Variants in LGR6 observed in about 807,000 individuals in gnomAD.
LGR6 encodes leucine-rich repeat-containing G protein-coupled receptor 6.
Under a neutral mutation model 69.4 loss-of-function variants are expected in LGR6, and 45 were observed. That is an observed-to-expected ratio of 0.65 (90% CI 0.51 to 0.83). The LOEUF (loss-of-function observed/expected upper bound fraction) is 0.83. LGR6 is among the 40% of genes least tolerant of loss of function. LGR6 has a pLI of 0.00. For missense variants in LGR6, 1,108 were observed against 1,246.7 expected, an observed-to-expected ratio of 0.89 and a Z score of 1.68; for synonymous variants, 538 against 555.0, an observed-to-expected ratio of 0.97 and a Z score of 0.43.
intron 7 of LGR6, among the ~76,000 whole-genome samples, chr1:202,300,593 T>C (rs1429913768): frequency 6.7e-6 from 1 of 150,004 alleles, no homozygotes; most frequent in African/African-American, 2.5e-5. Flanking sequence ...AAGTCGAGGC[T>C]GCACTGCGGT....
At chr1:202,317,569 C>G (rs1431246891) in intron 17 of LGR6, among the ~76,000 whole-genome samples, 1 of 152,172 alleles carries the variant, frequency 6.6e-6, no homozygotes, top group Non-Finnish European at 1.5e-5. Flanking sequence ...TGGTCTCAAA[C>G]TCCTGACCTC....
At chr1:202,303,410 A>G in intron 10 of LGR6, 63 bp downstream of exon 10, 1 of 1,294,138 alleles carries the variant, frequency 7.7e-7, no homozygotes, top group Non-Finnish European at 1.1e-6. Flanking sequence ...GAGCTCTTCC[A>G]CTCCCTGCCC....
At chr1:202,196,065 A>G (rs190930063) in intron 1 of LGR6, among the ~76,000 whole-genome samples, 3 of 152,198 alleles carry the variant, frequency 2.0e-5, no homozygotes, top group African/African-American at 7.2e-5. Context: ...CTCTCTCTCA[A>G]GACTCAGGGG....
intron 1 of LGR6, among the ~76,000 whole-genome samples, chr1:202,216,160 G>C (rs916104263): frequency 6.6e-6 from 1 of 152,230 alleles, no homozygotes; most frequent in Non-Finnish European, 1.5e-5. Flanking sequence ...TAAATGAATG[G>C]TTGAAAGTTG....
chr1:202,236,195 A>G (rs896549), intron 4 of LGR6: 323,975 of 583,604 alleles, frequency 0.56, 91,193 homozygotes, highest in East Asian at 0.71. Flanking sequence ...ACTCCTATGC[A>G]TATTTCAGGA....
At chr1:202,196,053 C>T (rs1470047345) in intron 1 of LGR6, among the ~76,000 whole-genome samples, 4 of 152,042 alleles carry the variant, frequency 2.6e-5, no homozygotes, top group Non-Finnish European at 4.4e-5. Context: ...TTGAGAAAGC[C>T]CCTCTCTCTC....
intron 6 of LGR6, among the ~76,000 whole-genome samples, chr1:202,283,088 G>T (rs1322457303): frequency 6.6e-6 from 1 of 152,176 alleles, no homozygotes; most frequent in Non-Finnish European, 1.5e-5. Flanking sequence ...TTACAGGGTT[G>T]GCCTGTGGAT....
At chr1:202,279,801 C>T (rs1419911566) in intron 5 of LGR6, among the ~76,000 whole-genome samples, 1 of 152,228 alleles carries the variant, frequency 6.6e-6, no homozygotes, top group Non-Finnish European at 1.5e-5. Context: ...GACACCAATT[C>T]AATTTTTAGC....
intron 4 of LGR6, among the ~76,000 whole-genome samples, chr1:202,260,105 G>C (rs1435046828): frequency 6.6e-6 from 1 of 152,178 alleles, no homozygotes; most frequent in African/African-American, 2.4e-5. Flanking sequence ...CTGGAGTGTA[G>C]TGTCTTGATT....
chr1:202,280,883 C>T, intron 6 of LGR6, 31 bp downstream of exon 6: 1 of 1,591,452 alleles, frequency 6.3e-7, no homozygotes, highest in Non-Finnish European at 8.6e-7. Context: ...CAAACTCTGT[C>T]CTGCCTGGTG....
At chr1:202,252,751 G>A (rs1457839810) in intron 4 of LGR6, among the ~76,000 whole-genome samples, 1 of 152,252 alleles carries the variant, frequency 6.6e-6, no homozygotes, top group African/African-American at 2.4e-5. Context: ...AGTTTGGAAA[G>A]GGCTCCATGC....
At chr1:202,300,459 G>T (rs990371555) in intron 7 of LGR6, among the ~76,000 whole-genome samples, 1 of 152,128 alleles carries the variant, frequency 6.6e-6, no homozygotes, top group Admixed American at 6.5e-5. Flanking sequence ...TTCTAGACTA[G>T]CCTGGGCAAC....
At position 202,319,258 on chromosome 1, in the gene LGR6, C is replaced by T. The variant is rs190119687; in HGVS notation, c.*51C>T. 4 of 1,491,366 alleles carry T rather than the reference C, an allele frequency of 2.7e-6. No homozygotes were observed. Among genetic ancestry groups the T allele is most frequent in the Admixed American group, 2.4e-5 (1 of 41,248 alleles). The allele number at this position is 1,491,366 out of a possible 1,614,324, so 92.4% of individuals were successfully genotyped here. A position where few individuals can be genotyped will look rare whatever the true frequency, so the allele number is the denominator to read the frequency against. Reference sequence around the variant, plus strand: ...CCTCTCTTCCCTTTCCTCTCTCCCCCTCGGTGAATGATGGCTGCTTCTAAA... The same window carrying T: ...CCTCTCTTCCCTTTCCTCTCTCCCCTTCGGTGAATGATGGCTGCTTCTAAA... On this transcript the variant is annotated 3_prime_UTR_variant, in exon 18 of 18. Transcript: ENST00000367278.
intron 4 of LGR6, among the ~76,000 whole-genome samples, chr1:202,254,408 C>T (rs1663580445): frequency 6.6e-6 from 1 of 152,216 alleles, no homozygotes; most frequent in African/African-American, 2.4e-5. Context: ...TCTGGTCAGG[C>T]TTTGCTGCAA....
At chr1:202,197,401 T>A (rs1183199445) in intron 1 of LGR6, 1 of 533,244 alleles carries the variant, frequency 1.9e-6, no homozygotes, top group South Asian at 1.4e-5. Flanking sequence ...ATACTCACAA[T>A]CCTCCATATG....
At chr1:202,304,456 CTCCG>C in intron 10 of LGR6, 99 bp from the exon 11 acceptor site, 1 of 714,014 alleles carries the variant, frequency 1.4e-6, no homozygotes, top group African/African-American at 1.8e-5. Flanking sequence ...CTTTTGTTAG[CTCCG>C]TCATCCCACG....
intron 1 of LGR6, among the ~76,000 whole-genome samples, chr1:202,221,254 T>C (rs1424491816): frequency 6.6e-6 from 1 of 152,082 alleles, no homozygotes; most frequent in East Asian, 1.9e-4. Flanking sequence ...CGGAGGGTCT[T>C]CTATGACCCC....
At chr1:202,288,569 T>C (rs919873075) in intron 6 of LGR6, among the ~76,000 whole-genome samples, 31 of 152,152 alleles carry the variant, frequency 2.0e-4, no homozygotes, top group African/African-American at 7.2e-4. Context: ...ACATCTAAGG[T>C]TGTTCCCAGC....
At chr1:202,211,608 G>T (rs968956588) in intron 1 of LGR6, among the ~76,000 whole-genome samples, 2 of 152,340 alleles carry the variant, frequency 1.3e-5, no homozygotes, top group Non-Finnish European at 2.9e-5. Flanking sequence ...TGATCCGCCT[G>T]CCTTGGCCTC....
Sources: gnomAD v4.1 joint callset for allele counts (sites outside exome capture counted in the v4.1 genomes callset) on GRCh38, gnomAD v4.1.1 for gene constraint, MANE v1.5 for transcripts, NCBI Gene and HGNC (gene_info 2026-07-23, HGNC 2026-07-21) for gene names.